NAV2: variants seen among roughly 807,000 people sequenced by gnomAD.
The protein encoded by NAV2 is helicase, APC down-regulated 1.
A neutral mutation model predicts 223.2 loss-of-function variants in NAV2; 54 were observed. The ratio of observed to expected loss-of-function variants is 0.24; its 90% CI spans 0.19 to 0.30. The LOEUF (loss-of-function observed/expected upper bound fraction) is 0.30, where lower values mean the gene tolerates loss of function less well. NAV2 is among the 10% of genes least tolerant of loss of function. The pLI is 1.00. For synonymous variants in NAV2, 1,279 were observed against 1,239.3 expected, an observed-to-expected ratio of 1.03 and a Z score of -0.67; for missense variants, 2,806 against 3,147.5, an observed-to-expected ratio of 0.89 and a Z score of 2.60.
At chr11:19,846,134 G>A (rs2060794142) in intron 3 of NAV2, among the ~76,000 whole-genome samples, 1 of 152,244 alleles carries the variant, frequency 6.6e-6, no homozygotes, top group African/African-American at 2.4e-5. Context: ...CACCACAAGA[G>A]ATGATGGGTG....
At chr11:19,521,833 G>A (rs1359438840) in intron 1 of NAV2, among the ~76,000 whole-genome samples, 1 of 152,152 alleles carries the variant, frequency 6.6e-6, no homozygotes, top group Admixed American at 6.5e-5. Context: ...CCTCTGCATG[G>A]CTCTGGACCC....
intron 1 of NAV2, among the ~76,000 whole-genome samples, chr11:19,388,566 G>C (rs1028412911): frequency 6.6e-6 from 1 of 152,196 alleles, no homozygotes; most frequent in Non-Finnish European, 1.5e-5. Context: ...TAAGATGAAT[G>C]GGGATTTTGG....
chr11:19,787,009 C>T (rs1239548608), intron 1 of NAV2, among the ~76,000 whole-genome samples: 1 of 151,918 alleles, frequency 6.6e-6, no homozygotes, highest in Non-Finnish European at 1.5e-5. Flanking sequence ...ATAACAAGAC[C>T]CCATATTTTT....
At chr11:19,743,952 A>G (rs945783421) in intron 1 of NAV2, among the ~76,000 whole-genome samples, 1 of 152,182 alleles carries the variant, frequency 6.6e-6, no homozygotes, top group Admixed American at 6.5e-5. Flanking sequence ...GAGGAGTCCT[A>G]TTTGGGTTGT....
chr11:19,749,758 A>G (rs2053653581), intron 1 of NAV2, among the ~76,000 whole-genome samples: 1 of 152,254 alleles, frequency 6.6e-6, no homozygotes, highest in African/African-American at 2.4e-5. Flanking sequence ...GGATCACAGC[A>G]TTCAGACTTG....
chr11:20,110,321 G>A (rs547786094), intron 36 of NAV2, among the ~76,000 whole-genome samples: 93 of 152,330 alleles, frequency 6.1e-4, no homozygotes, highest in Non-Finnish European at 1.1e-3. Flanking sequence ...ATCAGCCCAG[G>A]AGACTGTATA....
chr11:20,106,177 GTGTGTGTATATA>G (rs2062041993), intron 35 of NAV2, among the ~76,000 whole-genome samples: 10 of 13,822 alleles, frequency 7.2e-4, no homozygotes, highest in East Asian at 3.6e-3. Context: ...ATATATATAT[GTGTGTGTATATA>G]TATATATATA....
upstream of NAV2, among the ~76,000 whole-genome samples, chr11:19,346,787 AAACCACC>A (rs1461389482): frequency 3.1e-4 from 47 of 152,288 alleles, no homozygotes; most frequent in African/African-American, 1.0e-3. Flanking sequence ...CTCAGCCCAG[AAACCACC>A]ATGCCTCCTT....
At chr11:20,047,908 A>G (rs1295387921) in intron 14 of NAV2, among the ~76,000 whole-genome samples, 1 of 152,204 alleles carries the variant, frequency 6.6e-6, no homozygotes, top group Non-Finnish European at 1.5e-5. Flanking sequence ...AATGTGGACA[A>G]TTCTCTGACT....
intron 1 of NAV2, among the ~76,000 whole-genome samples, chr11:19,400,396 A>G (rs149196490): frequency 8.6e-4 from 131 of 152,294 alleles, no homozygotes; most frequent in African/African-American, 2.9e-3. Context: ...TGGCTTTCCC[A>G]TCTGTTCCAG....
intron 1 of NAV2, among the ~76,000 whole-genome samples, chr11:19,596,346 C>A (rs892777765): frequency 6.6e-6 from 1 of 152,220 alleles, no homozygotes; most frequent in Non-Finnish European, 1.5e-5. Context: ...CAGCCTCCTC[C>A]CTGGGGATGG....
rs184785960 is a variant in NAV2 at position 19,549,584 on chromosome 11, A to G, written c.75+198557A>G. Among the ~76,000 whole-genome samples the G allele has an allele frequency of 1.5e-3, 223 of 152,324 alleles. 3 individuals are homozygous for G. The highest frequency in any genetic ancestry group is 5.2e-3 in the African/African-American group (215 of 41,586). On this transcript the variant is annotated intron_variant, in intron 1 of 37. Transcript: ENST00000360655. ...CCCCCTCCTACCAATCGTATGGCAA[A>G]TGGACAGCTAATGGGAGCCAGGCTA...
chr11:19,627,630 T>C (rs1207693942), intron 1 of NAV2, among the ~76,000 whole-genome samples: 1 of 152,090 alleles, frequency 6.6e-6, no homozygotes, highest in African/African-American at 2.4e-5. Context: ...ACAATTGTCA[T>C]GTAGGTCCTT....
chr11:19,379,181 T>C (rs112724097), intron 1 of NAV2, among the ~76,000 whole-genome samples: 69 of 151,986 alleles, frequency 4.5e-4, no homozygotes, highest in African/African-American at 1.5e-3. Context: ...GGTGAGGAGA[T>C]TGGAAACTTG....
At chr11:19,800,914 C>T (rs2058214343) in intron 1 of NAV2, among the ~76,000 whole-genome samples, 1 of 152,092 alleles carries the variant, frequency 6.6e-6, no homozygotes, top group South Asian at 2.1e-4. Context: ...GGCATGAGGC[C>T]AAATGAACAG....
intron 1 of NAV2, among the ~76,000 whole-genome samples, chr11:19,392,258 G>A (rs947403667): frequency 4.6e-5 from 7 of 152,148 alleles, no homozygotes; most frequent in African/African-American, 1.7e-4. Flanking sequence ...TCTGTAAAAT[G>A]GATAGAACAA....
intron 1 of NAV2, among the ~76,000 whole-genome samples, chr11:19,829,856 A>C (rs551738262): frequency 6.6e-6 from 1 of 152,338 alleles, no homozygotes; most frequent in East Asian, 1.9e-4. Context: ...AGTAAACTGA[A>C]GCCCAGAAAA....
At chr11:19,732,288 A>C (rs888459235) in intron 1 of NAV2, among the ~76,000 whole-genome samples, 2 of 151,648 alleles carry the variant, frequency 1.3e-5, no homozygotes, top group African/African-American at 4.8e-5. Context: ...TATGGGCTGG[A>C]AATTCAAACA....
At chr11:19,454,554 G>T (rs182769982) in intron 1 of NAV2, among the ~76,000 whole-genome samples, 93 of 152,294 alleles carry the variant, frequency 6.1e-4, no homozygotes, top group Admixed American at 1.9e-3. Context: ...TTGTTTGCAA[G>T]TTTGTTCATT....
Sources: allele counts gnomAD v4.1 joint callset (sites outside exome capture counted in the v4.1 genomes callset), GRCh38; gene constraint gnomAD v4.1.1; transcripts MANE v1.5; gene names NCBI Gene and HGNC (gene_info 2026-07-23, HGNC 2026-07-21).